The following ATOSB variants were observed in gnomAD, a reference collection of about 807,000 sequenced individuals.
The protein encoded by ATOSB is atos homolog B, also known as atos homolog protein B.
At chr9:35,113,873 A>C in the ATOSB span, among the ~76,000 whole-genome samples, 4 of 152,132 alleles carry the variant, frequency 2.6e-5, no homozygotes, top group Non-Finnish European at 5.9e-5. Context: ...ATGTTCAATA[A>C]ACATTGACTG....
At chr9:35,108,254 C>G in the ATOSB span, 5 of 1,560,892 alleles carry the variant, frequency 3.2e-6, no homozygotes, top group Non-Finnish European at 4.3e-6. Flanking sequence ...ATGGAGACGG[C>G]TCCGCCTGCA....
the ATOSB span, chr9:35,108,091 G>C: frequency 6.5e-7 from 1 of 1,546,840 alleles, no homozygotes; most frequent in Non-Finnish European, 8.7e-7. Context: ...GCCCTATGAG[G>C]CTCAGAGGTA....
At chr9:35,107,995 C>T in the ATOSB span, 1 of 1,589,006 alleles carries the variant, frequency 6.3e-7, no homozygotes, top group Non-Finnish European at 8.6e-7. Flanking sequence ...GATGGTTCTT[C>T]AGGGGGTAGT....
At chr9:35,108,052 C>G in the ATOSB span, 2 of 1,534,626 alleles carry the variant, frequency 1.3e-6, no homozygotes, top group East Asian at 2.3e-5. Context: ...TCCCGGGGAC[C>G]CTCAGTGGAT....
the ATOSB span, chr9:35,105,098 C>T: frequency 4.6e-3 from 4,879 of 1,056,872 alleles, 192 homozygotes; most frequent in East Asian, 0.066. This position sits in a 1 kb window ranked among gnomAD's most constrained non-coding sequence, Gnocchi z 5.5. Context: ...TCCATTTGGG[C>T]GTGAGCATGG....
chr9:35,113,574 A>C, the ATOSB span, among the ~76,000 whole-genome samples: 3 of 152,280 alleles, frequency 2.0e-5, no homozygotes, highest in African/African-American at 2.4e-5. Context: ...TAGTGAGCCA[A>C]GATCGCACCA....
chr9:35,108,756 A>T, the ATOSB span: 2 of 943,930 alleles, frequency 2.1e-6, no homozygotes, highest in African/African-American at 3.5e-5. Flanking sequence ...AGAAGAACAG[A>T]CGTAAGCCAG....
At chr9:35,109,330 AG>A in the ATOSB span, 2 of 152,462 alleles carry the variant, frequency 1.3e-5, no homozygotes, top group African/African-American at 4.8e-5. Flanking sequence ...ACCAAAAACA[AG>A]AAGGGGAAGG....
the ATOSB span, chr9:35,109,146 C>T: frequency 6.6e-6 from 1 of 152,364 alleles, no homozygotes; most frequent in Admixed American, 6.5e-5. Flanking sequence ...ATGTCTATCT[C>T]CAAAGGGACA....
the ATOSB span, chr9:35,106,560 C>T: frequency 1.3e-4 from 207 of 1,574,886 alleles, no homozygotes; most frequent in South Asian, 1.6e-3. The surrounding 1 kb of genome is among the most constrained non-coding windows in gnomAD (Gnocchi z 4.6). Context: ...CAGCAGGGTA[C>T]GGCTGACAGC....
the ATOSB span, chr9:35,106,123 G>T: frequency 6.6e-7 from 1 of 1,509,696 alleles, no homozygotes; most frequent in Non-Finnish European, 9.0e-7. This position sits in a 1 kb window ranked among gnomAD's most constrained non-coding sequence, Gnocchi z 4.6. Context: ...CTACAGTAGA[G>T]TTCTCCTCAC....
At chr9:35,107,944 G>C in the ATOSB span, 25 of 1,605,306 alleles carry the variant, frequency 1.6e-5, 1 homozygote, top group South Asian at 2.8e-4. Flanking sequence ...GCCACACCTA[G>C]TCCCAGCCCC....
the ATOSB span, chr9:35,105,388 A>T: frequency 4.2e-5 from 67 of 1,601,616 alleles, no homozygotes; most frequent in Non-Finnish European, 5.5e-5. The surrounding 1 kb of genome is among the most constrained non-coding windows in gnomAD (Gnocchi z 5.5). Context: ...GAGGAGGACA[A>T]TGTGATCAAC....
the ATOSB span, chr9:35,108,083 C>G: frequency 6.5e-7 from 1 of 1,540,476 alleles, no homozygotes; most frequent in African/African-American, 1.4e-5. Flanking sequence ...GTTTCAGGGC[C>G]CTATGAGGCT....
chr9:35,107,769 C>T, the ATOSB span: 1 of 1,560,456 alleles, frequency 6.4e-7, no homozygotes, highest in African/African-American at 1.4e-5. Context: ...CCCCAGGGAC[C>T]CCTGTCCCCC....
chr9:35,115,102 G>T, the ATOSB span, among the ~76,000 whole-genome samples: 64 of 152,128 alleles, frequency 4.2e-4, no homozygotes, highest in African/African-American at 1.5e-3. Flanking sequence ...GAACTAGGAT[G>T]GGGGGTTGAC....
the ATOSB span, chr9:35,108,216 T>G: frequency 6.3e-7 from 1 of 1,589,062 alleles, no homozygotes; most frequent in East Asian, 2.3e-5. Flanking sequence ...GACTGGAGGC[T>G]GTGAAGGGCC....
At chr9:35,114,715 T>G in the ATOSB span, among the ~76,000 whole-genome samples, 1 of 151,966 alleles carries the variant, frequency 6.6e-6, no homozygotes, top group Non-Finnish European at 1.5e-5. Context: ...GGCCCACCTC[T>G]CAAAACAGAC....
the ATOSB span, chr9:35,108,291 C>T: frequency 2.0e-6 from 3 of 1,528,270 alleles, no homozygotes; most frequent in South Asian, 1.2e-5. Flanking sequence ...CCCCTTGGGT[C>T]AGGGGGGCCC....
Sources: gnomAD v4.1 joint callset for allele counts (sites outside exome capture counted in the v4.1 genomes callset) on GRCh38, gnomAD v4.1.1 for gene constraint, Gnocchi (gnomAD v3.1) non-coding constraint, MANE v1.5 for transcripts, NCBI Gene and HGNC (gene_info 2026-07-23, HGNC 2026-07-21) for gene names.